The following SEMA5B variants were observed in gnomAD, a reference collection of about 807,000 sequenced individuals.
The protein encoded by SEMA5B is semaphorin-5B.
Under a neutral mutation model 135.0 loss-of-function variants are expected in SEMA5B, and 66 were observed. The observed-to-expected ratio is 0.49, with a 90% CI of 0.40 to 0.60. The LOEUF is 0.60. Ranked by LOEUF, SEMA5B falls within the 20% of genes least tolerant of loss-of-function variation. The probability of loss-of-function intolerance (pLI) is 0.00; values close to 1 mark genes in which losing one functional copy is unlikely to be tolerated. For synonymous variants in SEMA5B, 690 were observed against 639.5 expected (o/e 1.08, Z -1.19); for missense variants, 1,501 against 1,566.3 (o/e 0.96, Z 0.70).
At chr3:123,002,273 C>T (rs1942197428) in intron 1 of SEMA5B, among the ~76,000 whole-genome samples, 1 of 152,168 alleles carries the variant, frequency 6.6e-6, no homozygotes, top group African/African-American at 2.4e-5. Flanking sequence ...TTCACTATTC[C>T]ATTAACCCAG....
At chr3:122,911,390 C>G (rs553882677) in intron 21 of SEMA5B, 101 bp downstream of exon 21, 4 of 1,556,406 alleles carry the variant, frequency 2.6e-6, no homozygotes, top group Non-Finnish European at 3.5e-6. Flanking sequence ...CCCAACAAAG[C>G]TTGGCTGTCT....
At chr3:123,025,208 A>T (rs1440188032) in intron 1 of SEMA5B, among the ~76,000 whole-genome samples, 1 of 152,136 alleles carries the variant, frequency 6.6e-6, no homozygotes, top group Admixed American at 6.5e-5. Flanking sequence ...GTGGGAAAGG[A>T]GGTGCTGGCT....
intron 4 of SEMA5B, among the ~76,000 whole-genome samples, chr3:122,942,686 A>T (rs184047417): frequency 6.6e-6 from 1 of 152,326 alleles, no homozygotes; most frequent in Admixed American, 6.5e-5. Flanking sequence ...GAGTGTGGTC[A>T]GGCCACCTGG....
rs574468409 is a variant in SEMA5B, at chr3:122,953,899, A to G, written c.125-5190T>C. On this transcript the variant is annotated intron_variant, in intron 2 of 22. Transcript: ENST00000357599. The stretch of plus-strand genomic sequence containing the variant: ...ATATGTACCATGGGGTCCCCATCCC[A>G]GCCATAGCTGCTTATACCAGGATGG... Among the ~76,000 whole-genome samples the G allele has an allele frequency of 6.6e-5, 10 of 152,338 alleles. No homozygotes were observed. In the East Asian group the frequency reaches 1.5e-3, roughly 24 times the overall value.
chr3:123,008,388 C>A (rs150744967), intron 1 of SEMA5B, among the ~76,000 whole-genome samples: 30 of 152,296 alleles, frequency 2.0e-4, no homozygotes, highest in Non-Finnish European at 4.3e-4. Context: ...GAAGAGTATT[C>A]GGCACCTGTA....
intron 10 of SEMA5B, 32 bp from the exon 11 acceptor site, chr3:122,922,479 G>A (rs773199656): frequency 4.5e-6 from 7 of 1,547,196 alleles, no homozygotes; most frequent in Admixed American, 1.9e-5. Context: ...CGCGCGCCCC[G>A]GCCACCAGGG....
intron 1 of SEMA5B, among the ~76,000 whole-genome samples, chr3:122,966,887 T>TTATTATTATTATTATTAC (rs1553778842): frequency 2.8e-5 from 4 of 142,898 alleles, no homozygotes; most frequent in South Asian, 2.2e-4. Flanking sequence ...ATTATTATTA[T>TTATTATTATTATTATTAC]TATTATTATT....
At chr3:122,958,570 T>A (rs375748242) in intron 2 of SEMA5B, among the ~76,000 whole-genome samples, 99 of 152,272 alleles carry the variant, frequency 6.5e-4, no homozygotes, top group African/African-American at 2.4e-3. Context: ...TTAGCCCAAC[T>A]CAGCACAAAG....
rs567986686 is a variant in SEMA5B at position 122,913,970 on chromosome 3, C to T, written c.2020G>A (p.Ala674Thr). 12 of 1,608,788 alleles carry T rather than the reference C, an allele frequency of 7.5e-6. No individual in the cohort carries two copies. In the East Asian group the frequency reaches 2.2e-4, roughly 30 times the overall value. Residue 674 changes from alanine (A) to threonine (T), a missense_variant, in exon 15 of 23, where the codon GCG (alanine) becomes ACG (threonine). This residue lies in a region of SEMA5B where 927 missense variants were observed against 881.6 expected (regional missense o/e 1.05). Transcript: ENST00000357599. Reference protein sequence around the residue: ...NGAWTPWSSWALCSTSCGIGF... With the variant: ...NGAWTPWSSWTLCSTSCGIGF... ...ATGCCACAGGACGTGCTGCACAGCG[C>T]CCACGATGACCACGGGGTCCACGCC...
chr3:122,919,731 T>C (rs778331335), intron 12 of SEMA5B, among the ~76,000 whole-genome samples: 2 of 152,238 alleles, frequency 1.3e-5, no homozygotes, highest in Non-Finnish European at 2.9e-5. Flanking sequence ...CTTCTGATAA[T>C]GTGACCTTGC....
At chr3:122,958,054 C>A (rs535208178) in intron 2 of SEMA5B, among the ~76,000 whole-genome samples, 2 of 152,354 alleles carry the variant, frequency 1.3e-5, no homozygotes, top group Admixed American at 1.3e-4. Flanking sequence ...CTGAATGGCT[C>A]CAGAGAAACA....
chr3:122,977,033 G>A (rs916678601), intron 1 of SEMA5B, among the ~76,000 whole-genome samples: 1 of 152,196 alleles, frequency 6.6e-6, no homozygotes, highest in Non-Finnish European at 1.5e-5. Context: ...CTGGGCAACA[G>A]AGTGAGACTC....
chr3:123,004,971 T>A (rs1019222725), intron 1 of SEMA5B, among the ~76,000 whole-genome samples: 4 of 152,192 alleles, frequency 2.6e-5, no homozygotes, highest in African/African-American at 4.8e-5. Flanking sequence ...TAGGAAAAAC[T>A]TCCCGAATGG....
intron 2 of SEMA5B, among the ~76,000 whole-genome samples, chr3:122,956,319 G>A (rs1041495992): frequency 3.3e-5 from 5 of 152,204 alleles, no homozygotes; most frequent in East Asian, 1.9e-4. Flanking sequence ...GTGAATGCAC[G>A]CGCATGTGTG....
chr3:122,997,524 C>CT (rs376584764), intron 1 of SEMA5B, among the ~76,000 whole-genome samples: 84 of 151,480 alleles, frequency 5.5e-4, no homozygotes, highest in African/African-American at 1.9e-3. Context: ...CCTCTCCCCC[C>CT]CCCGTCTCCA....
At chr3:122,961,805 C>T (rs1940595346) in intron 1 of SEMA5B, among the ~76,000 whole-genome samples, 1 of 152,116 alleles carries the variant, frequency 6.6e-6, no homozygotes, top group South Asian at 2.1e-4. Context: ...TTACCTTAAG[C>T]TTCTATAGGT....
At position 122,948,489 on chromosome 3, in the gene SEMA5B, T is replaced by C. The variant is rs768369683; in HGVS notation, c.328+17A>G. 8 of 1,586,838 alleles carry C rather than the reference T, an allele frequency of 5.0e-6. No individual in the cohort carries two copies. Among genetic ancestry groups the C allele is most frequent in the Non-Finnish European group, 1.7e-6 (2 of 1,161,390 alleles). On this transcript the variant is annotated intron_variant, in intron 3 of 22. Coordinates refer to ENST00000357599, the MANE Select transcript of SEMA5B (RefSeq NM_001031702.4). ...ACGGCCATTGCAAGACAGGGCCAAG[T>C]AGGAAGCAACTCTTACCTTCAAAGG...
chr3:122,948,525 G>T lies in SEMA5B; in HGVS notation c.309C>A (p.His103Gln), dbSNP rs980061591. The T allele has an allele frequency of 1.9e-6, 3 of 1,605,548 alleles. No homozygotes were observed. The highest frequency in any genetic ancestry group is 2.2e-5 in the South Asian group (2 of 90,534). ...SEQQLCALSKHPTVAFEDLQP... is the reference protein window; with the variant it reads ...SEQQLCALSKQPTVAFEDLQP... ...TCTTACCTTCAAAGGCCACGGTGGG[G>T]TGCTTGCTAAGGGCGCACAGCTGCT... Residue 103 changes from histidine to glutamine, a missense_variant, in exon 3 of 23, where the codon CAC becomes CAA. By Grantham distance (24) the His-to-Gln change is conservative. Coordinates refer to ENST00000357599, the MANE Select transcript of SEMA5B (RefSeq NM_001031702.4).
chr3:123,013,646 C>T (rs1232242465), intron 1 of SEMA5B, among the ~76,000 whole-genome samples: 1 of 152,196 alleles, frequency 6.6e-6, no homozygotes, highest in African/African-American at 2.4e-5. Flanking sequence ...GCTTCCAAGC[C>T]CCACTCCTCA....
Sources: allele counts gnomAD v4.1 joint callset (sites outside exome capture counted in the v4.1 genomes callset), GRCh38; gene constraint gnomAD v4.1.1; regional missense constraint gnomAD v4.1.1; transcripts MANE v1.5; gene names NCBI Gene and HGNC (gene_info 2026-07-23, HGNC 2026-07-21).